Variants in ATP8A2 observed in about 807,000 individuals in gnomAD.
ATP8A2 encodes phospholipid-transporting ATPase IB.
Under a neutral mutation model 165.6 loss-of-function variants are expected in ATP8A2, and 100 were observed. The ratio of observed to expected loss-of-function variants is 0.60; its 90% CI spans 0.51 to 0.71. The LOEUF (loss-of-function observed/expected upper bound fraction) is 0.71, where lower values mean the gene tolerates loss of function less well. Among genes scored for constraint, ATP8A2 ranks in the 30% least tolerant of loss-of-function variants. The pLI is 0.00. For missense variants in ATP8A2, 1,227 were observed against 1,479.5 expected (o/e 0.83, Z 2.80); for synonymous variants, 543 against 548.8 (o/e 0.99, Z 0.15).
In ATP8A2 at chr13:25,532,330, G is replaced by A. The variant is rs760943112; in HGVS notation, c.466+13G>A. ...AAGAAAACAATAGGTAAGATCCCAG[G>A]CTGAAGGACTTTTTCCACTGGAAAA... On this transcript the variant is annotated intron_variant, in intron 5 of 36. Transcript: ENST00000381655. 1 of 1,601,136 alleles carries A rather than the reference G, an allele frequency of 6.2e-7. No homozygotes were observed. Among genetic ancestry groups the A allele is most frequent in the Non-Finnish European group, 8.5e-7 (1 of 1,174,202 alleles).
chr13:25,376,501 G>T (rs2032630965), intron 1 of ATP8A2, among the ~76,000 whole-genome samples: 1 of 152,196 alleles, frequency 6.6e-6, no homozygotes, highest in Non-Finnish European at 1.5e-5. Flanking sequence ...TTTTAACACT[G>T]TCATTTCTAC....
intron 1 of ATP8A2, among the ~76,000 whole-genome samples, chr13:25,465,797 C>CTTTT: frequency 7.6e-6 from 1 of 131,066 alleles, no homozygotes; most frequent in Non-Finnish European, 1.6e-5. Context: ...TTCTTTCTTT[C>CTTTT]TTTTTTGGTA....
At chr13:25,732,119 C>T (rs745335509) in intron 25 of ATP8A2, among the ~76,000 whole-genome samples, 1 of 152,182 alleles carries the variant, frequency 6.6e-6, no homozygotes, top group Admixed American at 6.5e-5. Flanking sequence ...CCCTCCCTAG[C>T]CCAGAGAGCT....
chr13:25,642,758 G>A (rs1029550135), intron 24 of ATP8A2, among the ~76,000 whole-genome samples: 1 of 152,290 alleles, frequency 6.6e-6, no homozygotes, highest in African/African-American at 2.4e-5. Flanking sequence ...AAAGACACAT[G>A]CACACGTATG....
chr13:25,799,623 C>T (rs1222164768), intron 27 of ATP8A2, among the ~76,000 whole-genome samples: 1 of 152,172 alleles, frequency 6.6e-6, no homozygotes, highest in African/African-American at 2.4e-5. Context: ...TGCAGAAGAG[C>T]CTGGAGAGAG....
chr13:25,984,398 G>A (rs1956231711), intron 35 of ATP8A2, among the ~76,000 whole-genome samples: 1 of 151,848 alleles, frequency 6.6e-6, no homozygotes, highest in South Asian at 2.1e-4. Flanking sequence ...GAGGTCAGGA[G>A]TTCGAGACCA....
chr13:25,459,382 C>G (rs139317224), intron 1 of ATP8A2, among the ~76,000 whole-genome samples: 3 of 152,162 alleles, frequency 2.0e-5, no homozygotes, highest in Non-Finnish European at 4.4e-5. Flanking sequence ...AGACAGAATG[C>G]GAAATTTTGT....
chr13:25,387,470 A>C (rs1360253968), intron 1 of ATP8A2, among the ~76,000 whole-genome samples: 1 of 151,928 alleles, frequency 6.6e-6, no homozygotes, highest in Non-Finnish European at 1.5e-5. Context: ...CACCTGCTAG[A>C]GCCTGGGTTT....
chr13:25,860,910 G>A, intron 32 of ATP8A2, 50 bp downstream of exon 32: 1 of 1,281,678 alleles, frequency 7.8e-7, no homozygotes, highest in Non-Finnish European at 1.1e-6. Flanking sequence ...TATTTTTCAT[G>A]CTAGGATTTC....
intron 24 of ATP8A2, among the ~76,000 whole-genome samples, chr13:25,627,188 A>T (rs998969410): frequency 1.3e-5 from 2 of 152,128 alleles, no homozygotes; most frequent in Non-Finnish European, 2.9e-5. Context: ...GAAATAGCAA[A>T]TGCAAATCCG....
chr13:25,868,200 T>A (rs1952569915), intron 33 of ATP8A2: 1 of 442,510 alleles, frequency 2.3e-6, no homozygotes, highest in Non-Finnish European at 4.5e-6. Context: ...TGTTTTATTA[T>A]ACTCAAAGTT....
chr13:25,991,108 T>C (rs1345472215), intron 35 of ATP8A2, among the ~76,000 whole-genome samples: 5 of 152,146 alleles, frequency 3.3e-5, no homozygotes, highest in African/African-American at 9.7e-5. Flanking sequence ...CCTCGGGTAG[T>C]GTGCCTGCAG....
At chr13:25,566,587 G>C (rs781347802) in intron 16 of ATP8A2, among the ~76,000 whole-genome samples, 2 of 152,268 alleles carry the variant, frequency 1.3e-5, no homozygotes, top group South Asian at 2.1e-4. Context: ...CCAGTTTCAC[G>C]AGCTTGCTTT....
intron 34 of ATP8A2, among the ~76,000 whole-genome samples, chr13:25,963,327 G>C (rs1283196623): frequency 6.6e-6 from 1 of 150,964 alleles, no homozygotes; most frequent in Non-Finnish European, 1.5e-5. Flanking sequence ...CTGGGAGGCA[G>C]AGGTTGCAGT....
At chr13:25,583,986 A>G (rs1353311470) in intron 23 of ATP8A2, among the ~76,000 whole-genome samples, 4 of 152,176 alleles carry the variant, frequency 2.6e-5, no homozygotes, top group Non-Finnish European at 5.9e-5. Context: ...TCTTATGTTT[A>G]TCCTGGAGGC....
At position 25,507,924 on chromosome 13, in the gene ATP8A2, G is replaced by C. The variant is rs372581433; in HGVS notation, c.222-22075G>C. Reference sequence around the variant, plus strand: ...ATTCCAAGAGGCTTTGCAAAGGGACGCTGGAAAGATCAACAAACCAGTGGG... The same window carrying C: ...ATTCCAAGAGGCTTTGCAAAGGGACCCTGGAAAGATCAACAAACCAGTGGG... On this transcript the variant is annotated intron_variant, in intron 2 of 36. Coordinates refer to ENST00000381655, the MANE Select transcript of ATP8A2 (RefSeq NM_016529.6). Among the ~76,000 whole-genome samples the C allele has an allele frequency of 6.6e-4, 101 of 152,200 alleles. 2 individuals carry two copies. The South Asian group carries it at 0.02, about 30-fold the overall frequency.
chr13:25,993,428 G>A (rs1956434218), intron 35 of ATP8A2, among the ~76,000 whole-genome samples: 1 of 152,114 alleles, frequency 6.6e-6, no homozygotes. Context: ...GGAAATAAAG[G>A]GTATTCAATT....
In ATP8A2 at chr13:26,022,633, A is replaced by G. The variant is rs1354695166; in HGVS notation, c.*2648A>G. On this transcript the variant is annotated 3_prime_UTR_variant, in exon 37 of 37. Transcript: ENST00000381655. ...TTGGTTTCTAGGAGGAGCAGCTGTC[A>G]CTACGTGTGATGTATAATATTTAGC... The G allele has an allele frequency of 1.3e-5, 2 of 152,244 alleles. No homozygotes were observed. Among genetic ancestry groups the G allele is most frequent in the Admixed American group, 1.3e-4 (2 of 15,290 alleles). 9.4% of individuals were successfully genotyped at this position (152,244 alleles called of 1,614,324 possible).
At chr13:25,647,531 T>A (rs1247480344) in intron 24 of ATP8A2, among the ~76,000 whole-genome samples, 1 of 152,202 alleles carries the variant, frequency 6.6e-6, no homozygotes, top group Non-Finnish European at 1.5e-5. Context: ...ATTTCTTCTT[T>A]GTCTTTGATT....
Sources: gnomAD v4.1 joint callset for allele counts (sites outside exome capture counted in the v4.1 genomes callset) on GRCh38, gnomAD v4.1.1 for gene constraint, MANE v1.5 for transcripts, NCBI Gene and HGNC (gene_info 2026-07-23, HGNC 2026-07-21) for gene names.